Variants in FHIT observed in about 807,000 individuals in gnomAD.
The protein encoded by FHIT is bis(5'-adenosyl)-triphosphatase.
A neutral mutation model predicts 17.9 loss-of-function variants in FHIT; 19 were observed. The ratio of observed to expected loss-of-function variants is 1.06; its 90% CI spans 0.74 to 1.56. The LOEUF (loss-of-function observed/expected upper bound fraction) is 1.56, where lower values mean the gene tolerates loss of function less well. Ranked by LOEUF, FHIT falls within the 40% of genes most tolerant of loss-of-function variation. The pLI is 0.00. For missense variants in FHIT, 248 were observed against 189.2 expected, an observed-to-expected ratio of 1.31 and a Z score of -1.82; for synonymous variants, 81 against 69.7, an observed-to-expected ratio of 1.16 and a Z score of -0.81.
chr3:60,539,110 C>A (rs1004082841), intron 4 of FHIT, among the ~76,000 whole-genome samples: 9 of 152,172 alleles, frequency 5.9e-5, no homozygotes, highest in Non-Finnish European at 8.8e-5. Flanking sequence ...AAACAAACAA[C>A]CCCATCAACA....
chr3:60,025,821 T>C (rs1559558876), intron 5 of FHIT, among the ~76,000 whole-genome samples: 1 of 150,828 alleles, frequency 6.6e-6, no homozygotes, highest in Non-Finnish European at 1.5e-5. Context: ...GACATTTTAA[T>C]GTCACTGTGG....
At chr3:61,231,508 A>G (rs543823973) in intron 1 of FHIT, among the ~76,000 whole-genome samples, 17 of 151,862 alleles carry the variant, frequency 1.1e-4, no homozygotes, top group Admixed American at 6.6e-5. Context: ...AAAAAAAAAA[A>G]TGCTCACTGG....
intron 8 of FHIT, among the ~76,000 whole-genome samples, chr3:59,909,182 C>T (rs1431405423): frequency 6.6e-6 from 1 of 151,912 alleles, no homozygotes; most frequent in African/African-American, 2.4e-5. Flanking sequence ...TATAGGCACG[C>T]ACCATCGACC....
At chr3:60,621,846 C>T (rs1386811854) in intron 4 of FHIT, among the ~76,000 whole-genome samples, 3 of 146,574 alleles carry the variant, frequency 2.0e-5, no homozygotes, top group Non-Finnish European at 1.5e-5. Flanking sequence ...GGACTCCAGC[C>T]TGGGTGACAG....
intron 5 of FHIT, among the ~76,000 whole-genome samples, chr3:60,123,502 T>A (rs1705351396): frequency 6.6e-6 from 1 of 152,114 alleles, no homozygotes; most frequent in South Asian, 2.1e-4. Context: ...GGCTGTTCCT[T>A]AAGGAGAAAA....
chr3:60,943,363 T>C (rs1708501433), intron 3 of FHIT, among the ~76,000 whole-genome samples: 1 of 152,174 alleles, frequency 6.6e-6, no homozygotes, highest in African/African-American at 2.4e-5. Context: ...AATAACTCTT[T>C]ATCTGTAATA....
rs534963667 is a variant in FHIT at position 60,507,975 on chromosome 3, G to A, written c.103+28885C>T. Among the ~76,000 whole-genome samples the A allele has an allele frequency of 1.7e-3, 252 of 152,174 alleles. 2 individuals are homozygous for A. The highest frequency in any genetic ancestry group is 4.8e-3 in the South Asian group (23 of 4,820). Reference sequence around the variant, plus strand: ...TCTTTGCTATTGTGAATAGTGCTTCGGTGAACATATGCATGCATGTGTCTT... The same window carrying A: ...TCTTTGCTATTGTGAATAGTGCTTCAGTGAACATATGCATGCATGTGTCTT... On this transcript the variant is annotated intron_variant, in intron 5 of 9. Transcript: ENST00000492590.
At chr3:60,468,338 T>C (rs2032909564) in intron 5 of FHIT, among the ~76,000 whole-genome samples, 1 of 152,142 alleles carries the variant, frequency 6.6e-6, no homozygotes, top group Non-Finnish European at 1.5e-5. Context: ...TATTTTGTTA[T>C]TTGTTTTCTG....
chr3:60,873,864 A>G (rs1366262097), intron 3 of FHIT, among the ~76,000 whole-genome samples: 1 of 152,202 alleles, frequency 6.6e-6, no homozygotes, highest in Non-Finnish European at 1.5e-5. Flanking sequence ...CGATGTATAG[A>G]AAGTGCAACA....
At chr3:60,777,005 G>A (rs9830935) in intron 4 of FHIT, among the ~76,000 whole-genome samples, 15,745 of 152,210 alleles carry the variant, frequency 0.1, 1,124 homozygotes, top group African/African-American at 0.2. Flanking sequence ...AAAGCATAAC[G>A]AGGTTTTCCT....
At chr3:60,170,134 G>A (rs545366357) in intron 5 of FHIT, among the ~76,000 whole-genome samples, 5 of 152,252 alleles carry the variant, frequency 3.3e-5, no homozygotes, top group East Asian at 3.9e-4. Context: ...TTTCCTGTGC[G>A]AGTTGGTCCA....
At chr3:59,940,110 T>A (rs1323449198) in intron 7 of FHIT, among the ~76,000 whole-genome samples, 1 of 152,152 alleles carries the variant, frequency 6.6e-6, no homozygotes, top group East Asian at 1.9e-4. Flanking sequence ...GAGCTTCAGA[T>A]TTCTTGTTTG....
chr3:60,418,892 CA>C (rs1291252704), intron 5 of FHIT, among the ~76,000 whole-genome samples: 3 of 152,126 alleles, frequency 2.0e-5, no homozygotes, highest in Non-Finnish European at 4.4e-5. Flanking sequence ...CCCAACTCCA[CA>C]TATGTGCATC....
chr3:60,450,546 T>G (rs1202358053), intron 5 of FHIT, among the ~76,000 whole-genome samples: 1 of 152,092 alleles, frequency 6.6e-6, no homozygotes, highest in African/African-American at 2.4e-5. Context: ...TGAGAGGGGA[T>G]GCTGGATTTT....
At chr3:61,015,984 T>A (rs1360934857) in intron 3 of FHIT, among the ~76,000 whole-genome samples, 1 of 152,208 alleles carries the variant, frequency 6.6e-6, no homozygotes, top group East Asian at 1.9e-4. Flanking sequence ...GCTAAAGTGT[T>A]CAACAACATA....
At chr3:60,424,858 A>C (rs908873783) in intron 5 of FHIT, among the ~76,000 whole-genome samples, 1 of 152,184 alleles carries the variant, frequency 6.6e-6, no homozygotes, top group Non-Finnish European at 1.5e-5. Context: ...CTTTATCTGT[A>C]GTGCATATAG....
chr3:60,318,301 C>A (rs1330006165), intron 5 of FHIT, among the ~76,000 whole-genome samples: 1 of 152,120 alleles, frequency 6.6e-6, no homozygotes, highest in Non-Finnish European at 1.5e-5. Flanking sequence ...AAAGGAAAGT[C>A]TTGCTCGATT....
intron 7 of FHIT, among the ~76,000 whole-genome samples, chr3:59,992,819 G>A (rs939800357): frequency 2.0e-5 from 3 of 151,930 alleles, no homozygotes; most frequent in South Asian, 2.1e-4. Context: ...TCACACCCTC[G>A]CAACAGTGTC....
rs1553750547 is a variant in FHIT, at chr3:60,347,675, T to TGC, written c.103+189184_103+189185insGC. Among the ~76,000 whole-genome samples, 2 of 27,706 alleles carry TGC rather than the reference T, an allele frequency of 7.2e-5. 1 individual carries two copies. The highest frequency in any genetic ancestry group is 1.7e-4 in the Non-Finnish European group (2 of 11,762). 18.2% of individuals were successfully genotyped at this position (27,706 alleles called of 152,430 possible). A position where few individuals can be genotyped will look rare whatever the true frequency, so the allele number is the denominator to read the frequency against. ...TCCTGTCTTCAGATCACCACTGGTTTGGGGGGGGGGGGGGTTTGTTTTTTG... is the reference window on the plus strand; with the variant it reads ...TCCTGTCTTCAGATCACCACTGGTTTGCGGGGGGGGGGGGGGTTTGTTTTTTG... On this transcript the variant is annotated intron_variant, in intron 5 of 9. Transcript: ENST00000492590.
Sources: allele counts gnomAD v4.1 joint callset (sites outside exome capture counted in the v4.1 genomes callset), GRCh38; gene constraint gnomAD v4.1.1; transcripts MANE v1.5; gene names NCBI Gene and HGNC (gene_info 2026-07-23, HGNC 2026-07-21).